Variants in PLCG2 observed in about 807,000 individuals in gnomAD.
PLCG2 encodes phospholipase C gamma 2.
A neutral mutation model predicts 175.6 loss-of-function variants in PLCG2; 69 were observed. That is an observed-to-expected ratio of 0.39 (90% CI 0.32 to 0.48). PLCG2 has a LOEUF of 0.48. PLCG2 is among the 20% of genes least tolerant of loss of function. The pLI, the probability that PLCG2 is intolerant of heterozygous loss-of-function variation, is 0.91. For missense variants in PLCG2, 1,798 were observed against 1,650.9 expected, an observed-to-expected ratio of 1.09 and a Z score of -1.54; for synonymous variants, 827 against 624.0, an observed-to-expected ratio of 1.33 and a Z score of -4.85.
chr16:81,803,255 A>T (rs1911823432), intron 2 of PLCG2, among the ~76,000 whole-genome samples: 1 of 151,614 alleles, frequency 6.6e-6, no homozygotes, highest in Admixed American at 6.6e-5. Context: ...AGTAGCTGGG[A>T]CTACAGGTGC....
intron 9 of PLCG2, among the ~76,000 whole-genome samples, chr16:81,886,527 G>A (rs1357007119): frequency 6.6e-6 from 1 of 152,154 alleles, no homozygotes; most frequent in African/African-American, 2.4e-5. Context: ...AATAATGGCA[G>A]CATTTTTAAT....
chr16:81,809,348 C>T (rs1904298536), intron 2 of PLCG2, among the ~76,000 whole-genome samples: 1 of 152,130 alleles, frequency 6.6e-6, no homozygotes, highest in Admixed American at 6.5e-5. Flanking sequence ...ATCAATACCC[C>T]AGCTCCCTCA....
intron 2 of PLCG2, among the ~76,000 whole-genome samples, chr16:81,832,025 T>C (rs970850629): frequency 1.3e-5 from 2 of 152,148 alleles, no homozygotes; most frequent in East Asian, 1.9e-4. Context: ...TGCCCCACCA[T>C]TGAGCCTGGG....
At chr16:81,815,086 C>G (rs1287653894) in intron 2 of PLCG2, among the ~76,000 whole-genome samples, 2 of 152,162 alleles carry the variant, frequency 1.3e-5, no homozygotes, top group African/African-American at 2.4e-5. Context: ...TAAACATTTC[C>G]TTTTTTTCCT....
Position 81,956,843 on chromosome 16 carries a change from A to G in PLCG2, c.3719A>G (p.Asn1240Ser). The G allele has an allele frequency of 6.2e-7, 1 of 1,613,954 alleles. No individual in the cohort carries two copies. Among genetic ancestry groups the G allele is most frequent in the Middle Eastern group, 1.6e-4 (1 of 6,062 alleles). Residue 1240 changes from asparagine (N) to serine (S), a missense_variant, in exon 32 of 33, where the codon AAC becomes AGC. Coordinates refer to ENST00000564138, the MANE Select transcript of PLCG2 (RefSeq NM_002661.5). Reference sequence around the variant, plus strand: ...GTTAAAGAGTTCAGTGTTAATGAGAACCAGCTCCAGCTGTACCAGGAGAAA... The same window carrying G: ...GTTAAAGAGTTCAGTGTTAATGAGAGCCAGCTCCAGCTGTACCAGGAGAAA... ...ALVKEFSVNENQLQLYQEKCN... is the reference protein window; with the variant it reads ...ALVKEFSVNESQLQLYQEKCN...
chr16:81,744,686 C>G (rs1023513227), intron 1 of PLCG2, among the ~76,000 whole-genome samples: 4 of 152,146 alleles, frequency 2.6e-5, no homozygotes, highest in Admixed American at 2.6e-4. Context: ...GATCTCCTAC[C>G]TCAGCCTCTT....
intron 9 of PLCG2, among the ~76,000 whole-genome samples, chr16:81,885,006 G>C (rs1237700693): frequency 6.6e-6 from 1 of 151,666 alleles, no homozygotes; most frequent in Non-Finnish European, 1.5e-5. Context: ...TCCTGCCTCA[G>C]CCTCCCGAAT....
intron 2 of PLCG2, among the ~76,000 whole-genome samples, chr16:81,828,394 C>T (rs1023027661): frequency 2.6e-5 from 4 of 151,878 alleles, no homozygotes; most frequent in African/African-American, 4.8e-5. Flanking sequence ...CCTGCCACCA[C>T]GCCCGGCTAA....
chr16:81,944,505 G>A (rs1041233218), intron 30 of PLCG2, among the ~76,000 whole-genome samples: 9 of 152,168 alleles, frequency 5.9e-5, no homozygotes, highest in African/African-American at 2.2e-4. Flanking sequence ...CTCTGTCACT[G>A]AGGCTGAAAT....
chr16:81,803,198 A>AACCACC (rs1460922685), intron 2 of PLCG2, among the ~76,000 whole-genome samples: 2 of 147,020 alleles, frequency 1.4e-5, no homozygotes, highest in East Asian at 4.1e-4. Context: ...GGCTCACTGC[A>AACCACC]AGCTCTGCCT....
intron 19 of PLCG2, among the ~76,000 whole-genome samples, chr16:81,913,276 G>C (rs558927307): frequency 1.7e-4 from 26 of 152,278 alleles, no homozygotes; most frequent in East Asian, 5.8e-4. Context: ...CCCAGCCCCA[G>C]GGTTTCCCTG....
intron 2 of PLCG2, among the ~76,000 whole-genome samples, chr16:81,796,485 G>GTC (rs1567468681): frequency 6.6e-6 from 1 of 152,228 alleles, no homozygotes; most frequent in African/African-American, 2.4e-5. Flanking sequence ...AGAGGACATC[G>GTC]TCTGGCTCCC....
At chr16:81,908,931 G>T (rs1909498389) in intron 17 of PLCG2, among the ~76,000 whole-genome samples, 1 of 152,218 alleles carries the variant, frequency 6.6e-6, no homozygotes, top group Non-Finnish European at 1.5e-5. Flanking sequence ...TCCCAGCCCT[G>T]GAGTGGGTCA....
chr16:81,794,238 G>A (rs1911365078), intron 2 of PLCG2, among the ~76,000 whole-genome samples: 1 of 152,028 alleles, frequency 6.6e-6, no homozygotes, highest in South Asian at 2.1e-4. Flanking sequence ...CTGTATTTTG[G>A]CTCATCCTGA....
intron 1 of PLCG2, among the ~76,000 whole-genome samples, chr16:81,750,414 C>A (rs1909784832): frequency 1.0e-5 from 1 of 96,780 alleles, no homozygotes; most frequent in South Asian, 4.3e-4. Flanking sequence ...TAGAGTGAGA[C>A]TCTGTCTCAA....
In PLCG2 at chr16:81,961,247, A is replaced by G. The variant is rs2143791495; in HGVS notation, c.*3249A>G. 4.4e-6 allele frequency: 1 copy of G among 225,812 alleles called. No homozygotes were observed. The highest frequency in any genetic ancestry group is 1.8e-4 in the South Asian group (1 of 5,454). 14.0% of individuals were successfully genotyped at this position (225,812 alleles called of 1,614,324 possible). A position where few individuals can be genotyped will look rare whatever the true frequency, so the allele number is the denominator to read the frequency against. On this transcript the variant is annotated 3_prime_UTR_variant, in exon 33 of 33. Transcript: ENST00000564138. ...GATGTATCTGTGTGAACAAGGATCA[A>G]CATCTCCATAAATGAAATTGAAAAC...
chr16:81,927,271 C>T (rs1438484561), intron 23 of PLCG2, 93 bp downstream of exon 23: 7 of 826,002 alleles, frequency 8.5e-6, no homozygotes, highest in Non-Finnish European at 1.3e-5. Flanking sequence ...TGAATTTTTC[C>T]ATGTGCTGCT....
At chr16:81,897,802 C>T (rs1908964644) in intron 13 of PLCG2, 1 of 455,572 alleles carries the variant, frequency 2.2e-6, no homozygotes, top group Admixed American at 2.4e-5. Flanking sequence ...GCCTCAACCT[C>T]CCAAAGTGTG....
intron 9 of PLCG2, among the ~76,000 whole-genome samples, chr16:81,884,633 G>A (rs982413511): frequency 4.6e-5 from 7 of 151,960 alleles, no homozygotes; most frequent in Non-Finnish European, 1.0e-4. Flanking sequence ...ATGTATGCAT[G>A]TCTTTTCACA....
Sources: gnomAD v4.1 joint callset for allele counts (sites outside exome capture counted in the v4.1 genomes callset) on GRCh38, gnomAD v4.1.1 for gene constraint, MANE v1.5 for transcripts, NCBI Gene and HGNC (gene_info 2026-07-23, HGNC 2026-07-21) for gene names.